The following BTBD16 variants were observed in gnomAD, a reference collection of about 807,000 sequenced individuals.
BTBD16 encodes BTB domain containing 16.
Under a neutral mutation model 67.4 loss-of-function variants are expected in BTBD16, and 66 were observed. The ratio of observed to expected loss-of-function variants is 0.98; its 90% confidence interval spans 0.80 to 1.20. BTBD16 has a LOEUF of 1.20. Among genes scored for constraint, BTBD16 ranks in the 50% most tolerant of loss-of-function variants. The pLI is 0.00. For synonymous variants in BTBD16, 242 were observed against 236.4 expected, an observed-to-expected ratio of 1.02 and a Z score of -0.22; for missense variants, 634 against 616.0, an observed-to-expected ratio of 1.03 and a Z score of -0.31.
chr10:122,297,627 A>T (rs2096385658), intron 7 of BTBD16, 141 bp from the exon 8 acceptor site: 2 of 842,158 alleles, frequency 2.4e-6, no homozygotes, highest in Admixed American at 2.3e-5. Context: ...CCTCTGGCCA[A>T]ATGTCCATAC....
chr10:122,317,224 ACTTAG>A (rs1487038863), intron 10 of BTBD16, among the ~76,000 whole-genome samples: 2 of 152,178 alleles, frequency 1.3e-5, no homozygotes, highest in Non-Finnish European at 2.9e-5. Flanking sequence ...TTTTCATAAC[ACTTAG>A]CTTAAAACAC....
At chr10:122,337,156 G>C (rs2096464554) in intron 15 of BTBD16, among the ~76,000 whole-genome samples, 1 of 152,162 alleles carries the variant, frequency 6.6e-6, no homozygotes, top group Non-Finnish European at 1.5e-5. Flanking sequence ...CCTGGCTTCT[G>C]ACCAGAATAA....
Position 122,284,000 on chromosome 10 carries a change from G to C in BTBD16, c.241+76G>C. ...GCATCTTGTGGTCTTTATGGAAGGA[G>C]ACCAGTCCATAAACCAGGGCGCTAG... On this transcript the variant is annotated intron_variant, in intron 4 of 15. Coordinates refer to ENST00000260723, the MANE Select transcript of BTBD16 (RefSeq NM_144587.5). The C allele has an allele frequency of 2.7e-6, 3 of 1,106,216 alleles. No individual in the cohort carries two copies. The South Asian group carries it at 3.8e-5, about 14-fold the overall frequency. 68.5% of individuals were successfully genotyped at this position (1,106,216 alleles called of 1,614,324 possible). A position where few individuals can be genotyped will look rare whatever the true frequency, so the allele number is the denominator to read the frequency against.
chr10:122,331,127 C>T (rs376159868), intron 11 of BTBD16, 49 bp from the exon 12 acceptor site: 203 of 1,593,692 alleles, frequency 1.3e-4, no homozygotes, highest in Non-Finnish European at 1.7e-4. Flanking sequence ...ACTTTTGAGG[C>T]TCTGGTGTGA....
intron 10 of BTBD16, among the ~76,000 whole-genome samples, chr10:122,318,711 G>A (rs1419592424): frequency 3.3e-5 from 5 of 152,070 alleles, no homozygotes; most frequent in East Asian, 1.9e-4. Context: ...TCAGCCTCCC[G>A]AGTAGCTGGG....
intron 10 of BTBD16, among the ~76,000 whole-genome samples, chr10:122,308,127 C>G (rs1234216217): frequency 6.6e-6 from 1 of 152,152 alleles, no homozygotes; most frequent in African/African-American, 2.4e-5. Flanking sequence ...CTGTTTGGCT[C>G]CAGGTCAGCT....
intron 15 of BTBD16, 26 bp downstream of exon 15, chr10:122,336,708 T>G (rs1393674058): frequency 1.2e-5 from 19 of 1,542,672 alleles, no homozygotes; most frequent in Non-Finnish European, 1.7e-5. Flanking sequence ...GTCTTTTCCT[T>G]TATTTCCTTT....
At chr10:122,277,606 C>A (rs912328407) in intron 3 of BTBD16, among the ~76,000 whole-genome samples, 1 of 151,998 alleles carries the variant, frequency 6.6e-6, no homozygotes, top group Non-Finnish European at 1.5e-5. Flanking sequence ...CAAAGAGGAG[C>A]CGAGTGTGCA....
intron 9 of BTBD16, among the ~76,000 whole-genome samples, chr10:122,306,225 T>C (rs1208317089): frequency 6.6e-6 from 1 of 152,190 alleles, no homozygotes; most frequent in African/African-American, 2.4e-5. Context: ...GGCTTCTAGG[T>C]GCTGGAAAAG....
chr10:122,280,603 T>A (rs1307189260), intron 3 of BTBD16, among the ~76,000 whole-genome samples: 6 of 149,636 alleles, frequency 4.0e-5, no homozygotes, highest in African/African-American at 9.8e-5. Flanking sequence ...ATTATATTAT[T>A]TTATTTTATT....
chr10:122,286,014 C>G, intron 4 of BTBD16, 91 bp from the exon 5 acceptor site: 1 of 1,278,362 alleles, frequency 7.8e-7, no homozygotes, highest in Admixed American at 2.0e-5. Flanking sequence ...TAATGATCCA[C>G]CGAGCAAAGG....
chr10:122,293,719 A>G (rs1184051951), intron 7 of BTBD16, among the ~76,000 whole-genome samples: 1 of 152,180 alleles, frequency 6.6e-6, no homozygotes, highest in African/African-American at 2.4e-5. Flanking sequence ...GTGATGTATA[A>G]CTATGAAATC....
At chr10:122,300,884 T>C (rs2096392570) in intron 9 of BTBD16, among the ~76,000 whole-genome samples, 1 of 152,246 alleles carries the variant, frequency 6.6e-6, no homozygotes, top group Non-Finnish European at 1.5e-5. Context: ...GAAAGTGTTC[T>C]GATTTCAGAA....
chr10:122,322,928 T>C (rs1022913389), intron 10 of BTBD16, among the ~76,000 whole-genome samples: 3 of 152,168 alleles, frequency 2.0e-5, no homozygotes, highest in East Asian at 1.9e-4. Context: ...AAAATAATTA[T>C]TGGGATTATC....
chr10:122,307,285 A>G lies in BTBD16; in HGVS notation c.888A>G (p.Glu296=). 6.2e-7 allele frequency: 1 copy of G among 1,606,334 alleles called. No homozygotes were observed. Among genetic ancestry groups the G allele is most frequent in the Non-Finnish European group, 8.5e-7 (1 of 1,177,910 alleles). The change falls in exon 10 of 16, where the codon GAA becomes GAG. Residue 296 remains glutamate (E), a synonymous_variant. Transcript: ENST00000260723. The part of the protein sequence containing the change: ...NYKIQAIPTY[E]TVMTFFKSFP... ...AGATTCAGGCAATTCCGACTTATGAAACCGTGATGACATTTTTTAAGAGGT... is the reference window on the plus strand; with the variant it reads ...AGATTCAGGCAATTCCGACTTATGAGACCGTGATGACATTTTTTAAGAGGT...
chr10:122,289,109 G>A (rs919902229), intron 5 of BTBD16, among the ~76,000 whole-genome samples: 1 of 152,138 alleles, frequency 6.6e-6, no homozygotes, highest in African/African-American at 2.4e-5. Flanking sequence ...CTCTGGGGCA[G>A]AGTGACAATA....
rs146791209 is a variant in BTBD16, at chr10:122,329,534, G to A, written c.966G>A (p.Pro322=). Residue 322 remains proline (P), a synonymous_variant, in exon 11 of 16, where the codon CCG becomes CCA. Coordinates refer to ENST00000260723, the MANE Select transcript of BTBD16 (RefSeq NM_144587.5). ...LDRDIGRSLR[P]LFLCLRLHGI... ...GGGACATAGGACGGAGCTTGAGGCC[G>A]CTCTTCCTCTGCTTGCGTCTGCACG... 5.8e-4 allele frequency: 940 copies of A among 1,613,922 alleles called. No homozygotes were observed. The highest frequency in any genetic ancestry group is 1.7e-3 in the Admixed American group (103 of 60,024).
intron 12 of BTBD16, among the ~76,000 whole-genome samples, chr10:122,331,743 A>G (rs867744635): frequency 1.3e-5 from 2 of 152,114 alleles, no homozygotes; most frequent in African/African-American, 4.8e-5. Flanking sequence ...TGTGTTTTCA[A>G]TCTCGCGTTT....
chr10:122,290,082 G>A, intron 6 of BTBD16, 84 bp downstream of exon 6: 2 of 956,166 alleles, frequency 2.1e-6, no homozygotes, highest in Non-Finnish European at 3.2e-6. Context: ...CAACAACAAA[G>A]CAAAACAAAC....
Sources: gnomAD v4.1 joint callset for allele counts (sites outside exome capture counted in the v4.1 genomes callset) on GRCh38, gnomAD v4.1.1 for gene constraint, MANE v1.5 for transcripts, NCBI Gene and HGNC (gene_info 2026-07-23, HGNC 2026-07-21) for gene names.